SYN3: variants seen among roughly 807,000 people sequenced by gnomAD.
The protein encoded by SYN3 is synapsin III, also known as synapsin-3.
A neutral mutation model predicts 65.8 loss-of-function variants in SYN3; 35 were observed. The ratio of observed to expected loss-of-function variants is 0.53; its 90% CI spans 0.41 to 0.70. The LOEUF (loss-of-function observed/expected upper bound fraction) is 0.70, where lower values mean the gene tolerates loss of function less well. Ranked by LOEUF, SYN3 falls within the 30% of genes least tolerant of loss-of-function variation. The pLI is 0.00. For missense variants in SYN3, 680 were observed against 749.0 expected, an observed-to-expected ratio of 0.91 and a Z score of 1.08; for synonymous variants, 270 against 292.9, an observed-to-expected ratio of 0.92 and a Z score of 0.80.
chr22:32,882,044 ACT>A (rs1211102633), intron 4 of SYN3, among the ~76,000 whole-genome samples: 2 of 114,990 alleles, frequency 1.7e-5, no homozygotes, highest in Non-Finnish European at 3.6e-5. Flanking sequence ...ACAGAGCGAG[ACT>A]CTGTCTCAAA....
At chr22:32,617,004 T>C (rs1319726441) in intron 6 of SYN3, among the ~76,000 whole-genome samples, 3 of 152,028 alleles carry the variant, frequency 2.0e-5, no homozygotes, top group African/African-American at 7.2e-5. Flanking sequence ...GGAAGGTCAA[T>C]GGAAGGCGCT....
intron 1 of SYN3, among the ~76,000 whole-genome samples, chr22:33,053,317 G>A (rs1014976192): frequency 2.0e-5 from 3 of 152,136 alleles, no homozygotes; most frequent in Admixed American, 6.5e-5. Flanking sequence ...CAGCTACTCC[G>A]GAGGCTGAGG....
chr22:32,510,849 A>G lies in SYN3; in HGVS notation c.*2843T>C, dbSNP rs1324588171. ...GTTCTTTCATCGTGTGACTTATACT[A>G]GTGATCCCTATCTTCTTGGGGGCAA... On this transcript the variant is annotated 3_prime_UTR_variant, in exon 14 of 14. Coordinates refer to ENST00000358763, the MANE Select transcript of SYN3 (RefSeq NM_003490.4). 6.6e-6 allele frequency among the ~76,000 whole-genome samples: 1 copy of G among 151,956 alleles called. No homozygotes were observed. The highest frequency in any genetic ancestry group is 2.4e-5 in the African/African-American group (1 of 41,326).
intron 6 of SYN3, among the ~76,000 whole-genome samples, chr22:32,675,548 C>T (rs765615818): frequency 6.6e-6 from 1 of 152,132 alleles, no homozygotes; most frequent in East Asian, 1.9e-4. Context: ...AAAAGTGCCT[C>T]CTGCAACTCT....
At chr22:32,543,079 A>T (rs1227288504) in intron 7 of SYN3, among the ~76,000 whole-genome samples, 2 of 151,874 alleles carry the variant, frequency 1.3e-5, no homozygotes, top group African/African-American at 4.8e-5. Context: ...CGTCCTTCCG[A>T]TCTTCCTCTC....
intron 7 of SYN3, among the ~76,000 whole-genome samples, chr22:32,572,358 CT>C (rs1262086581): frequency 5.1e-5 from 4 of 78,236 alleles, no homozygotes; most frequent in Admixed American, 3.9e-4. Flanking sequence ...CCTTCCCTTA[CT>C]TCCCTTCCAC....
At chr22:32,984,418 G>A (rs572964771) in intron 2 of SYN3, among the ~76,000 whole-genome samples, 20 of 152,228 alleles carry the variant, frequency 1.3e-4, no homozygotes, top group East Asian at 7.8e-4. Context: ...CTCCTGGTGC[G>A]GGTATGTGGA....
At chr22:32,937,125 C>T (rs1227850683) in intron 3 of SYN3, among the ~76,000 whole-genome samples, 2 of 152,000 alleles carry the variant, frequency 1.3e-5, no homozygotes, top group African/African-American at 4.8e-5. Flanking sequence ...ATATGACCCA[C>T]AACAAGGAGA....
At chr22:32,606,586 G>A (rs557668303) in intron 6 of SYN3, among the ~76,000 whole-genome samples, 18 of 152,186 alleles carry the variant, frequency 1.2e-4, no homozygotes, top group African/African-American at 4.1e-4. Flanking sequence ...GGCTTACGGG[G>A]CTCTGTGTGG....
chr22:32,728,970 C>A (rs1254352845), intron 6 of SYN3, among the ~76,000 whole-genome samples: 1 of 152,178 alleles, frequency 6.6e-6, no homozygotes, highest in Non-Finnish European at 1.5e-5. Context: ...TGGGAACTGA[C>A]CACAGAAGGT....
At chr22:32,717,794 GGCCTGTCAAAC>G (rs1471145716) in intron 6 of SYN3, among the ~76,000 whole-genome samples, 32 of 152,160 alleles carry the variant, frequency 2.1e-4, no homozygotes, top group Admixed American at 2.1e-3. Context: ...TGACTGACAA[GGCCTGTCAAAC>G]GCCTTCCACT....
intron 3 of SYN3, among the ~76,000 whole-genome samples, chr22:32,936,654 A>T (rs2050784857): frequency 6.6e-6 from 1 of 152,218 alleles, no homozygotes; most frequent in Non-Finnish European, 1.5e-5. Flanking sequence ...GGAAGAACCC[A>T]TGTGCTCACC....
intron 4 of SYN3, among the ~76,000 whole-genome samples, chr22:32,877,695 C>A (rs1369659152): frequency 6.6e-6 from 1 of 152,136 alleles, no homozygotes; most frequent in Admixed American, 6.5e-5. Context: ...ATCACTGTCC[C>A]CCTTCTCCGC....
At chr22:33,026,630 T>A (rs2053645046) in intron 1 of SYN3, among the ~76,000 whole-genome samples, 1 of 152,120 alleles carries the variant, frequency 6.6e-6, no homozygotes, top group Admixed American at 6.6e-5. Context: ...ATCCGGTGAG[T>A]CCCAGTGTCT....
intron 7 of SYN3, among the ~76,000 whole-genome samples, chr22:32,571,829 C>T (rs1325605155): frequency 6.6e-6 from 1 of 151,906 alleles, no homozygotes; most frequent in Non-Finnish European, 1.5e-5. Context: ...TTGTTTTGTT[C>T]ACCACTGCAT....
chr22:32,867,519 G>A (rs1186213944), intron 5 of SYN3, among the ~76,000 whole-genome samples: 1 of 152,222 alleles, frequency 6.6e-6, no homozygotes, highest in Non-Finnish European at 1.5e-5. Flanking sequence ...ATTCTAGGTG[G>A]AGATAAGTAT....
intron 4 of SYN3, among the ~76,000 whole-genome samples, chr22:32,881,083 C>T (rs555504657): frequency 7.9e-5 from 12 of 152,298 alleles, no homozygotes; most frequent in African/African-American, 2.9e-4. Flanking sequence ...CTGCTCAGCG[C>T]TGGGGCGGGC....
chr22:32,963,781 C>T (rs986803800), intron 3 of SYN3, among the ~76,000 whole-genome samples: 8 of 152,138 alleles, frequency 5.3e-5, no homozygotes, highest in Admixed American at 2.6e-4. Context: ...ATCCCATAGA[C>T]ATTGAGGAGC....
At chr22:32,945,564 G>A (rs1337009946) in intron 3 of SYN3, among the ~76,000 whole-genome samples, 1 of 152,152 alleles carries the variant, frequency 6.6e-6, no homozygotes, top group Non-Finnish European at 1.5e-5. Flanking sequence ...AGACTTAAAT[G>A]TTAGACCTAA....
Sources: allele counts gnomAD v4.1 joint callset (sites outside exome capture counted in the v4.1 genomes callset), GRCh38; gene constraint gnomAD v4.1.1; transcripts MANE v1.5; gene names NCBI Gene and HGNC (gene_info 2026-07-23, HGNC 2026-07-21).